The following PIBF1 variants were observed in gnomAD, a reference collection of about 807,000 sequenced individuals.
PIBF1 encodes progesterone immunomodulatory binding factor 1.
In PIBF1, 90 loss-of-function variants were observed where a neutral mutation model predicts 112.5. That is an observed-to-expected ratio of 0.80 (90% confidence interval 0.67 to 0.95). The LOEUF (loss-of-function observed/expected upper bound fraction) is 0.95, where lower values mean the gene tolerates loss of function less well. Among genes scored for constraint, PIBF1 ranks in the 40% least tolerant of loss-of-function variants. The probability of loss-of-function intolerance (pLI) is 0.00; values close to 1 mark genes in which losing one functional copy is unlikely to be tolerated. For synonymous variants in PIBF1, 301 were observed against 288.6 expected, an observed-to-expected ratio of 1.04 and a Z score of -0.44; for missense variants, 915 against 852.3, an observed-to-expected ratio of 1.07 and a Z score of -0.92.
chr13:72,974,291 G>T (rs1017449211), intron 16 of PIBF1: 1 of 152,238 alleles, frequency 6.6e-6, no homozygotes, highest in East Asian at 1.9e-4. Flanking sequence ...AGTTGTGTCA[G>T]CACCACCACA....
chr13:72,875,285 C>T (rs2039348571), intron 10 of PIBF1, among the ~76,000 whole-genome samples: 1 of 152,148 alleles, frequency 6.6e-6, no homozygotes, highest in South Asian at 2.1e-4. Context: ...AGGTGTATCA[C>T]AGTTCATCTG....
At chr13:72,834,333 A>G (rs1431563226) in intron 8 of PIBF1, among the ~76,000 whole-genome samples, 1 of 152,214 alleles carries the variant, frequency 6.6e-6, no homozygotes, top group Non-Finnish European at 1.5e-5. Flanking sequence ...TCGACATACC[A>G]AAACAAACAT....
At chr13:72,784,287 A>ATAAAAT (rs1329704208) in intron 2 of PIBF1, among the ~76,000 whole-genome samples, 11 of 150,572 alleles carry the variant, frequency 7.3e-5, no homozygotes, top group African/African-American at 2.7e-4. Flanking sequence ...AAAAAAAAAA[A>ATAAAAT]AAAAAAAAAT....
rs1050835431 is a variant in PIBF1, at chr13:72,894,327, T to C, written c.1488+378T>C. Among the ~76,000 whole-genome samples, 6 of 152,194 alleles carry C rather than the reference T, an allele frequency of 3.9e-5. No homozygotes were observed. The East Asian group carries it at 9.7e-4, about 25-fold the overall frequency. On this transcript the variant is annotated intron_variant, in intron 11 of 17. Transcript: ENST00000326291. ...TTTTTTCAGTTTTCATCAAATAATA[T>C]GATATGTTTCTATCTAATCAAATGC...
At chr13:72,983,655 T>G (rs149910075) in intron 16 of PIBF1, among the ~76,000 whole-genome samples, 2 of 152,226 alleles carry the variant, frequency 1.3e-5, no homozygotes, top group East Asian at 3.8e-4. Context: ...TCTTTGCGAT[T>G]TCTCGGAAGA....
chr13:72,882,781 A>G (rs2039694700), intron 10 of PIBF1, among the ~76,000 whole-genome samples: 1 of 152,178 alleles, frequency 6.6e-6, no homozygotes, highest in African/African-American at 2.4e-5. Flanking sequence ...CCAAAAGACA[A>G]GCAATAACAA....
chr13:72,790,510 C>CTT (rs1555281153), intron 2 of PIBF1, among the ~76,000 whole-genome samples: 3 of 140,044 alleles, frequency 2.1e-5, no homozygotes, highest in Non-Finnish European at 4.5e-5. Flanking sequence ...CACACACACA[C>CTT]ATAGATAGAT....
At chr13:72,889,225 A>C (rs1248569792) in intron 10 of PIBF1, among the ~76,000 whole-genome samples, 1 of 152,196 alleles carries the variant, frequency 6.6e-6, no homozygotes, top group Non-Finnish European at 1.5e-5. Context: ...TTGAATTCTC[A>C]GTTGACTAGA....
intron 7 of PIBF1, 81 bp from the exon 8 acceptor site, chr13:72,827,652 G>A: frequency 1.2e-6 from 1 of 839,710 alleles, no homozygotes; most frequent in Non-Finnish European, 1.7e-6. Context: ...ATGAAAACAT[G>A]AAGGAAAGAA....
At chr13:72,912,331 T>C (rs562218158) in intron 12 of PIBF1, among the ~76,000 whole-genome samples, 2 of 152,038 alleles carry the variant, frequency 1.3e-5, no homozygotes, top group East Asian at 3.9e-4. Context: ...AACTCAGTGA[T>C]TAAAAAAAAA....
intron 16 of PIBF1, among the ~76,000 whole-genome samples, chr13:72,984,544 C>G (rs2043228564): frequency 6.6e-6 from 1 of 152,122 alleles, no homozygotes. Context: ...AGCCTCACAA[C>G]AGCTCATTCT....
chr13:72,906,733 A>G (rs1475287895), intron 11 of PIBF1, among the ~76,000 whole-genome samples: 2 of 152,192 alleles, frequency 1.3e-5, no homozygotes, highest in Non-Finnish European at 2.9e-5. Context: ...ATAATATCTT[A>G]TAAAATATCC....
At chr13:72,897,632 C>T (rs2040331297) in intron 11 of PIBF1, among the ~76,000 whole-genome samples, 1 of 152,102 alleles carries the variant, frequency 6.6e-6, no homozygotes, top group Non-Finnish European at 1.5e-5. Flanking sequence ...GCATTTCATG[C>T]AATGAACACC....
At chr13:72,811,608 A>AAAACAGAG (rs199831981) in intron 5 of PIBF1, among the ~76,000 whole-genome samples, 1 of 139,652 alleles carries the variant, frequency 7.2e-6, no homozygotes, top group Admixed American at 7.1e-5. Flanking sequence ...AAAAAAAAAA[A>AAAACAGAG]AGAGAGAGAA....
intron 10 of PIBF1, among the ~76,000 whole-genome samples, chr13:72,862,063 A>T (rs963028677): frequency 2.6e-5 from 4 of 152,202 alleles, no homozygotes; most frequent in Non-Finnish European, 5.9e-5. Context: ...GACAGTATAT[A>T]TTCATCTTCA....
In PIBF1 at chr13:72,803,526, A is replaced by G. The variant is rs192309350; in HGVS notation, c.672+5500A>G. Among the ~76,000 whole-genome samples the G allele has an allele frequency of 2.3e-3, 344 of 152,312 alleles. 7 individuals carry two copies. Among genetic ancestry groups the G allele is most frequent in the Non-Finnish European group, 4.0e-4 (27 of 68,018 alleles). ...TGTGATTATGATATTTGGGGAAACT[A>G]CTAGAACAGAGGGGTGTTTGTTGAT... On this transcript the variant is annotated intron_variant, in intron 5 of 17. Coordinates refer to ENST00000326291, the MANE Select transcript of PIBF1 (RefSeq NM_006346.4).
At chr13:72,982,522 A>C (rs2043180888) in intron 16 of PIBF1, among the ~76,000 whole-genome samples, 1 of 152,174 alleles carries the variant, frequency 6.6e-6, no homozygotes, top group African/African-American at 2.4e-5. Flanking sequence ...ACCCTTTTCT[A>C]CCTCATTCCT....
intron 10 of PIBF1, among the ~76,000 whole-genome samples, chr13:72,881,377 T>C (rs1344072458): frequency 6.6e-6 from 1 of 152,138 alleles, no homozygotes; most frequent in Non-Finnish European, 1.5e-5. Context: ...ATTAAGAAAG[T>C]ATTCCCATTT....
intron 17 of PIBF1, among the ~76,000 whole-genome samples, chr13:73,009,920 C>T (rs956972136): frequency 2.0e-5 from 3 of 152,130 alleles, no homozygotes; most frequent in Non-Finnish European, 2.9e-5. Flanking sequence ...ATTCTTATAC[C>T]GTCCTTTTTG....
Sources: allele counts gnomAD v4.1 joint callset (sites outside exome capture counted in the v4.1 genomes callset), GRCh38; gene constraint gnomAD v4.1.1; transcripts MANE v1.5; gene names NCBI Gene and HGNC (gene_info 2026-07-23, HGNC 2026-07-21).